RNF220: variants seen among roughly 807,000 people sequenced by gnomAD.
RNF220 encodes the protein ring finger protein 220.
RNF220 carries 7 observed loss-of-function variants against 67.1 expected under a neutral mutation model. That is an observed-to-expected ratio of 0.10 (90% confidence interval 0.06 to 0.20). The LOEUF (loss-of-function observed/expected upper bound fraction) is 0.20. RNF220 is among the 10% of genes least tolerant of loss of function. The pLI, the probability that RNF220 is intolerant of heterozygous loss-of-function variation, is 1.00. For missense variants in RNF220, 565 were observed against 740.3 expected (o/e 0.76, Z 2.75); for synonymous variants, 270 against 283.2 (o/e 0.95, Z 0.47).
intron 2 of RNF220, among the ~76,000 whole-genome samples, chr1:44,610,457 C>T (rs1021318020): frequency 3.9e-5 from 6 of 152,214 alleles, no homozygotes; most frequent in African/African-American, 7.2e-5. Context: ...TTGTGCTTCC[C>T]GCATATCCCC....
intron 2 of RNF220, among the ~76,000 whole-genome samples, chr1:44,566,888 A>G (rs931208062): frequency 2.6e-5 from 4 of 152,104 alleles, no homozygotes; most frequent in Non-Finnish European, 5.9e-5. Context: ...TCCATTTCCT[A>G]TCCCATCCCC....
intron 2 of RNF220, among the ~76,000 whole-genome samples, chr1:44,588,534 C>G (rs1474897534): frequency 6.6e-6 from 1 of 152,232 alleles, no homozygotes; most frequent in African/African-American, 2.4e-5. Context: ...TAAGGCAGTC[C>G]TTTCACTCTG....
At chr1:44,597,956 CCCCA>C (rs1224608527) in intron 2 of RNF220, among the ~76,000 whole-genome samples, 2 of 150,394 alleles carry the variant, frequency 1.3e-5, no homozygotes, top group East Asian at 2.0e-4. Context: ...TCACACCCCA[CCCCA>C]CCCACCTCTC....
At chr1:44,407,580 G>C (rs748692816) in intron 1 of RNF220, among the ~76,000 whole-genome samples, 12 of 152,084 alleles carry the variant, frequency 7.9e-5, no homozygotes, top group Admixed American at 2.0e-4. Flanking sequence ...GCGCCGCGTC[G>C]CGCCGCTGGT....
chr1:44,614,598 T>C (rs1643465659), intron 3 of RNF220, among the ~76,000 whole-genome samples: 1 of 152,204 alleles, frequency 6.6e-6, no homozygotes, highest in African/African-American at 2.4e-5. Context: ...CACTGCCATG[T>C]TGAGCCTCAG....
intron 2 of RNF220, among the ~76,000 whole-genome samples, chr1:44,472,115 A>G (rs1465988175): frequency 6.6e-6 from 1 of 152,192 alleles, no homozygotes. Flanking sequence ...TTAGCCATTC[A>G]TCAGTTGATG....
At position 44,651,101 on chromosome 1, in the gene RNF220, A is replaced by T. The variant is rs1273470366; in HGVS notation, c.*326A>T. On this transcript the variant is annotated 3_prime_UTR_variant, in exon 15 of 15. Transcript: ENST00000361799. ...CCTAAGATCCAGCCCCCATACTGAC[A>T]GACGGACAGACAGACATGCAAACAC... is the stretch of plus-strand genomic sequence containing the variant. 2.0e-5 allele frequency: 8 copies of T among 407,698 alleles called. No individual in the cohort carries two copies. In the East Asian group the frequency reaches 3.6e-4, roughly 18 times the overall value. The allele number at this position is 407,698 out of a possible 1,614,324, so 25.3% of individuals were successfully genotyped here. A position where few individuals can be genotyped will look rare whatever the true frequency, so the allele number is the denominator to read the frequency against.
intron 2 of RNF220, among the ~76,000 whole-genome samples, chr1:44,583,173 G>T (rs1665439049): frequency 6.6e-6 from 1 of 151,876 alleles, no homozygotes; most frequent in African/African-American, 2.4e-5. Context: ...AAGAGAAAAT[G>T]ATGAATATCA....
At chr1:44,611,124 G>A (rs1158790020) in intron 2 of RNF220, among the ~76,000 whole-genome samples, 1 of 152,200 alleles carries the variant, frequency 6.6e-6, no homozygotes, top group Non-Finnish European at 1.5e-5. Context: ...AGGGGACACA[G>A]GGGGCCCATG....
intron 2 of RNF220, among the ~76,000 whole-genome samples, chr1:44,507,200 G>C (rs978246836): frequency 3.9e-5 from 6 of 152,154 alleles, no homozygotes; most frequent in Non-Finnish European, 7.3e-5. Context: ...CCTCCCTCCA[G>C]CCAAAACCCC....
chr1:44,421,682 TA>T, intron 2 of RNF220, among the ~76,000 whole-genome samples: 1 of 151,128 alleles, frequency 6.6e-6, no homozygotes, highest in Non-Finnish European at 1.5e-5. Flanking sequence ...CTCCTAGGAG[TA>T]AAAGAGGGCT....
In RNF220 at chr1:44,651,022, T is replaced by A. The variant is rs905134525; in HGVS notation, c.*247T>A. The A allele has an allele frequency of 1.0e-5, 5 of 501,622 alleles. No homozygotes were observed. The Admixed American group carries it at 1.6e-4, about 16-fold the overall frequency. 31.1% of individuals were successfully genotyped at this position (501,622 alleles called of 1,614,324 possible). A position where few individuals can be genotyped will look rare whatever the true frequency, so the allele number is the denominator to read the frequency against. On this transcript the variant is annotated 3_prime_UTR_variant, in exon 15 of 15. Coordinates refer to ENST00000361799, the MANE Select transcript of RNF220 (RefSeq NM_018150.4). ...TTGGGGGCCATACCTGTTCCAGCTC[T>A]GTTCCCAGGGTGGGGCAGGGAGGTG...
At position 44,604,262 on chromosome 1, in the gene RNF220, A is replaced by G. The variant is rs572192567; in HGVS notation, c.626-9903A>G. 5.3e-5 allele frequency among the ~76,000 whole-genome samples: 8 copies of G among 152,328 alleles called. No individual in the cohort carries two copies. In the South Asian group the frequency reaches 1.0e-3, roughly 20 times the overall value. The stretch of plus-strand genomic sequence containing the variant: ...TGAGAGGATGCATGTGCAGGTCCAC[A>G]TGTGGATATTTTCCAGAATCAGGCC... On this transcript the variant is annotated intron_variant, in intron 2 of 14. Coordinates refer to ENST00000361799, the MANE Select transcript of RNF220 (RefSeq NM_018150.4).
intron 12 of RNF220, among the ~76,000 whole-genome samples, chr1:44,646,993 G>A (rs1182569508): frequency 2.0e-5 from 3 of 152,238 alleles, no homozygotes; most frequent in Admixed American, 2.0e-4. Context: ...CCTGGACCAG[G>A]GGTTGGAGGC....
chr1:44,573,864 A>G (rs902684249), intron 2 of RNF220, among the ~76,000 whole-genome samples: 1 of 152,216 alleles, frequency 6.6e-6, no homozygotes, highest in Non-Finnish European at 1.5e-5. Flanking sequence ...CTGTAATGCC[A>G]GCACTTTGGG....
chr1:44,405,655 C>A (rs369433130), intron 1 of RNF220, 125 bp downstream of exon 1: 85 of 249,430 alleles, frequency 3.4e-4, no homozygotes, highest in Middle Eastern at 1.3e-3. Context: ...TCGGGCGGTT[C>A]CCTCTGGACG....
chr1:44,501,807 G>A (rs1467440904), intron 2 of RNF220, among the ~76,000 whole-genome samples: 1 of 152,036 alleles, frequency 6.6e-6, no homozygotes, highest in Non-Finnish European at 1.5e-5. Context: ...TTAGTGCTCA[G>A]GAATCAGCTG....
chr1:44,628,285 C>T (rs897056829), intron 5 of RNF220, among the ~76,000 whole-genome samples: 1 of 152,188 alleles, frequency 6.6e-6, no homozygotes, highest in Non-Finnish European at 1.5e-5. Flanking sequence ...CCTCAACTCC[C>T]TGACCCACCT....
rs1483222991 is a variant in RNF220 at position 44,644,536 on chromosome 1, C to A, written c.1127-162C>A. The A allele has an allele frequency of 5.0e-6, 3 of 595,492 alleles. No individual in the cohort carries two copies. In the African/African-American group the frequency reaches 5.6e-5, roughly 11 times the overall value. The allele number at this position is 595,492 out of a possible 1,614,324, so 36.9% of individuals were successfully genotyped here. ...TTGCAGAGTGAAGGGCCTGAAATGT[C>A]AGGGTCAGGGGCACTGAAGTATCTG... On this transcript the variant is annotated intron_variant, in intron 8 of 14. Coordinates refer to ENST00000361799, the MANE Select transcript of RNF220 (RefSeq NM_018150.4).
Sources: allele counts gnomAD v4.1 joint callset (sites outside exome capture counted in the v4.1 genomes callset), GRCh38; gene constraint gnomAD v4.1.1; transcripts MANE v1.5; gene names NCBI Gene and HGNC (gene_info 2026-07-23, HGNC 2026-07-21).